Variants in MACROD2 observed in about 807,000 individuals in gnomAD.
MACROD2 encodes ADP-ribose glycohydrolase MACROD2.
Under a neutral mutation model 70.4 loss-of-function variants are expected in MACROD2, and 36 were observed. The ratio of observed to expected loss-of-function variants is 0.51; its 90% confidence interval spans 0.39 to 0.68. MACROD2 has a LOEUF of 0.68. Ranked by LOEUF, MACROD2 falls within the 30% of genes least tolerant of loss-of-function variation. MACROD2 has a pLI of 0.00. For synonymous variants in MACROD2, 172 were observed against 178.8 expected (o/e 0.96, Z 0.30); for missense variants, 496 against 538.4 (o/e 0.92, Z 0.78).
At chr20:15,859,238 A>G (rs529096352) in intron 8 of MACROD2, among the ~76,000 whole-genome samples, 12 of 152,210 alleles carry the variant, frequency 7.9e-5, no homozygotes, top group East Asian at 3.9e-4. Context: ...GGGGGTAGGT[A>G]TACTTTCTCA....
intron 5 of MACROD2, among the ~76,000 whole-genome samples, chr20:15,128,993 A>G (rs547926244): frequency 3.3e-5 from 5 of 152,088 alleles, no homozygotes; most frequent in African/African-American, 1.2e-4. Context: ...TATTTGGAAG[A>G]GTGGAGAATA....
intron 1 of MACROD2, among the ~76,000 whole-genome samples, chr20:13,998,213 A>G (rs2052688046): frequency 6.6e-6 from 1 of 152,142 alleles, no homozygotes; most frequent in Non-Finnish European, 1.5e-5. Context: ...TTCATTGTTT[A>G]AACAAGTAAT....
chr20:15,946,647 T>G (rs77207644), intron 12 of MACROD2, among the ~76,000 whole-genome samples: 1 of 152,232 alleles, frequency 6.6e-6, no homozygotes, highest in Non-Finnish European at 1.5e-5. Context: ...TTCATTTTTA[T>G]GTTCTCCACA....
intron 3 of MACROD2, among the ~76,000 whole-genome samples, chr20:14,235,842 G>A (rs1252281079): frequency 6.6e-6 from 1 of 152,066 alleles, no homozygotes; most frequent in African/African-American, 2.4e-5. Flanking sequence ...GAACAACATA[G>A]CTATTTGAAA....
Position 14,619,893 on chromosome 20 carries a change from A to G in MACROD2, c.302-64950A>G, listed in dbSNP as rs555862112. Among the ~76,000 whole-genome samples the G allele has an allele frequency of 2.5e-3, 382 of 152,278 alleles. 3 individuals carry two copies. The highest frequency in any genetic ancestry group is 8.6e-3 in the African/African-American group (359 of 41,580). On this transcript the variant is annotated intron_variant, in intron 4 of 17. Coordinates refer to ENST00000684519, the MANE Select transcript of MACROD2 (RefSeq NM_001351661.2). ...TGTGCTGCTTCATGCTTATTCAGCCAATAGAGCCTCCACTGTCTGAAATGT... is the reference window on the plus strand; with the variant it reads ...TGTGCTGCTTCATGCTTATTCAGCCGATAGAGCCTCCACTGTCTGAAATGT...
intron 15 of MACROD2, among the ~76,000 whole-genome samples, chr20:16,030,109 A>C (rs1172820500): frequency 6.6e-6 from 1 of 152,182 alleles, no homozygotes; most frequent in African/African-American, 2.4e-5. Context: ...TTTCTCCTGG[A>C]AAGTTCTGAG....
intron 3 of MACROD2, among the ~76,000 whole-genome samples, chr20:14,334,081 G>C (rs1455333394): frequency 1.3e-5 from 2 of 152,172 alleles, no homozygotes; most frequent in Non-Finnish European, 2.9e-5. Context: ...TTTAGGGTAG[G>C]AAAGAGATTA....
intron 8 of MACROD2, among the ~76,000 whole-genome samples, chr20:15,750,415 G>T (rs1188880525): frequency 6.6e-6 from 1 of 151,740 alleles, no homozygotes; most frequent in Non-Finnish European, 1.5e-5. Context: ...GCTTGTCCTC[G>T]AGAAAACGTA....
chr20:15,681,358 AG>A (rs772019701), intron 8 of MACROD2, among the ~76,000 whole-genome samples: 10 of 152,316 alleles, frequency 6.6e-5, no homozygotes, highest in Non-Finnish European at 8.8e-5. Context: ...ATTCAAAAAC[AG>A]GGGGGCCTAG....
chr20:14,215,380 AC>A (rs1569209939), intron 3 of MACROD2, among the ~76,000 whole-genome samples: 2 of 147,066 alleles, frequency 1.4e-5, no homozygotes, highest in African/African-American at 2.5e-5. Context: ...ACACACACAC[AC>A]CACAGTTTCT....
intron 3 of MACROD2, among the ~76,000 whole-genome samples, chr20:14,141,322 A>G (rs1421681969): frequency 6.6e-6 from 1 of 152,208 alleles, no homozygotes; most frequent in African/African-American, 2.4e-5. Context: ...GGTTAAAAGC[A>G]TAGGTTTTGG....
At chr20:15,461,006 A>ATATATATATATATTT in intron 7 of MACROD2, among the ~76,000 whole-genome samples, 65 of 66,980 alleles carry the variant, frequency 9.7e-4, no homozygotes, top group Non-Finnish European at 1.8e-3. Context: ...ATATATATAT[A>ATATATATATATATTT]TTTTTTTTTA....
At chr20:15,766,715 A>G (rs983764350) in intron 8 of MACROD2, among the ~76,000 whole-genome samples, 1 of 152,322 alleles carries the variant, frequency 6.6e-6, no homozygotes, top group African/African-American at 2.4e-5. Context: ...GATGGCGATG[A>G]TGTGGAATTT....
rs78600719 is a variant in MACROD2, at chr20:15,792,154, G to A, written c.646-70591G>A. Among the ~76,000 whole-genome samples the A allele has an allele frequency of 8.3e-3, 1,262 of 152,098 alleles. 6 individuals are homozygous for A. Among genetic ancestry groups the A allele is most frequent in the African/African-American group, 0.016 (645 of 41,544 alleles). ...CATTGGGAAAAGAGCTTTTTCACTA[G>A]GTGGTGCCGGGACAAGGTACTAACT... On this transcript the variant is annotated intron_variant, in intron 8 of 17. Transcript: ENST00000684519.
chr20:15,193,705 G>A (rs1017733912), intron 5 of MACROD2, among the ~76,000 whole-genome samples: 8 of 151,750 alleles, frequency 5.3e-5, no homozygotes, highest in South Asian at 2.1e-4. Context: ...CGTCTTGCAC[G>A]CTGGCTCCCA....
At chr20:14,682,747 C>T (rs2070949147) in intron 4 of MACROD2, among the ~76,000 whole-genome samples, 1 of 152,120 alleles carries the variant, frequency 6.6e-6, no homozygotes, top group Admixed American at 6.6e-5. Context: ...ACAACTGTGA[C>T]ATCCTTGTAT....
At chr20:15,679,627 C>T (rs139930715) in intron 8 of MACROD2, among the ~76,000 whole-genome samples, 235 of 152,304 alleles carry the variant, frequency 1.5e-3, no homozygotes, top group Admixed American at 4.7e-3. Flanking sequence ...TTGAGCTGCC[C>T]TGTGAGAAGC....
chr20:15,731,033 G>T lies in MACROD2; in HGVS notation c.646-131712G>T, dbSNP rs1376341944. Among the ~76,000 whole-genome samples the T allele has an allele frequency of 3.4e-5, 2 of 58,358 alleles. 1 individual carries two copies. Among genetic ancestry groups the T allele is most frequent in the Non-Finnish European group, 9.7e-5 (2 of 20,710 alleles). 38.3% of individuals were successfully genotyped at this position (58,358 alleles called of 152,430 possible). ...TTTTCAGCTCTATCAGATCAGTTTG[G>T]TTGTTTCTTAAAATGTCTATTACAT... On this transcript the variant is annotated intron_variant, in intron 8 of 17. Coordinates refer to ENST00000684519, the MANE Select transcript of MACROD2 (RefSeq NM_001351661.2).
At chr20:15,942,800 C>T (rs925021462) in intron 12 of MACROD2, among the ~76,000 whole-genome samples, 6 of 152,198 alleles carry the variant, frequency 3.9e-5, no homozygotes, top group Non-Finnish European at 8.8e-5. Flanking sequence ...AAGGCTAAGG[C>T]AGCTTTCTGG....
Sources: allele counts gnomAD v4.1 joint callset (sites outside exome capture counted in the v4.1 genomes callset), GRCh38; gene constraint gnomAD v4.1.1; transcripts MANE v1.5; gene names NCBI Gene and HGNC (gene_info 2026-07-23, HGNC 2026-07-21).